The following INPP4B variants were observed in gnomAD, a reference collection of about 807,000 sequenced individuals.
INPP4B encodes the protein inositol polyphosphate 4-phosphatase type II.
A neutral mutation model predicts 122.5 loss-of-function variants in INPP4B; 55 were observed. The ratio of observed to expected loss-of-function variants is 0.45; its 90% confidence interval spans 0.36 to 0.56. The LOEUF is 0.56. INPP4B is among the 20% of genes least tolerant of loss of function. INPP4B has a pLI of 0.00. For missense variants in INPP4B, 1,000 were observed against 1,097.7 expected (o/e 0.91, Z 1.26); for synonymous variants, 403 against 388.7 (o/e 1.04, Z -0.43).
At chr4:142,466,085 CT>C (rs1817707081) in intron 2 of INPP4B, among the ~76,000 whole-genome samples, 2 of 152,060 alleles carry the variant, frequency 1.3e-5, no homozygotes, top group South Asian at 4.2e-4. Context: ...TGGGGTGTTA[CT>C]ATAGAGATTC....
intron 23 of INPP4B, among the ~76,000 whole-genome samples, 159 bp from the exon 24 acceptor site, chr4:142,086,415 C>T (rs1776797782): frequency 6.6e-6 from 1 of 152,208 alleles, no homozygotes; most frequent in Admixed American, 6.5e-5. Flanking sequence ...GGGGCCCAAT[C>T]TCTGCTCACT....
chr4:142,731,607 A>C (rs1046204828), intron 1 of INPP4B, among the ~76,000 whole-genome samples: 1 of 152,190 alleles, frequency 6.6e-6, no homozygotes, highest in African/African-American at 2.4e-5. Context: ...GCTCAAGAGC[A>C]TAGGCAAGAG....
chr4:142,774,429 ATTCT>A (rs1283401495), intron 1 of INPP4B, among the ~76,000 whole-genome samples: 1 of 152,140 alleles, frequency 6.6e-6, no homozygotes, highest in Non-Finnish European at 1.5e-5. Context: ...TCATAAAATT[ATTCT>A]TTCAATCTAA....
chr4:142,432,515 C>T (rs1220793662), intron 3 of INPP4B, among the ~76,000 whole-genome samples: 1 of 152,094 alleles, frequency 6.6e-6, no homozygotes, highest in Non-Finnish European at 1.5e-5. Context: ...ATTGCACCAT[C>T]AATTAGACCA....
At chr4:142,481,532 A>G (rs1820541767) in intron 2 of INPP4B, among the ~76,000 whole-genome samples, 1 of 152,154 alleles carries the variant, frequency 6.6e-6, no homozygotes, top group Admixed American at 6.5e-5. Context: ...ATCTTTGGAT[A>G]TAATTTCTCC....
In INPP4B at chr4:142,099,348, T is replaced by A. The variant is rs182278628; in HGVS notation, c.2374+8745A>T. Reference sequence around the variant, plus strand: ...CAAATATGAACAATATATGAAGAATTCCTCAGCCATCTCGATGTTTCCAAA... The same window carrying A: ...CAAATATGAACAATATATGAAGAATACCTCAGCCATCTCGATGTTTCCAAA... On this transcript the variant is annotated intron_variant, in intron 23 of 25. Coordinates refer to ENST00000262992, the MANE Select transcript of INPP4B (RefSeq NM_001101669.3). Among the ~76,000 whole-genome samples the A allele has an allele frequency of 3.3e-5, 5 of 152,296 alleles. No individual in the cohort carries two copies. The East Asian group carries it at 9.6e-4, about 29-fold the overall frequency.
At chr4:142,571,049 A>G (rs1489462422) in intron 2 of INPP4B, among the ~76,000 whole-genome samples, 1 of 150,612 alleles carries the variant, frequency 6.6e-6, no homozygotes, top group Non-Finnish European at 1.5e-5. Context: ...GACTATCCCA[A>G]AGAATTCCAG....
At chr4:142,485,101 G>A (rs1821046047) in intron 2 of INPP4B, among the ~76,000 whole-genome samples, 1 of 152,036 alleles carries the variant, frequency 6.6e-6, no homozygotes, top group African/African-American at 2.4e-5. Flanking sequence ...GTAGCCTCCA[G>A]AGAAAGCATG....
intron 1 of INPP4B, among the ~76,000 whole-genome samples, chr4:142,810,012 A>T (rs1359693571): frequency 6.6e-6 from 1 of 151,898 alleles, no homozygotes; most frequent in Non-Finnish European, 1.5e-5. Context: ...TGTACTAAAA[A>T]TACAAAAATT....
chr4:142,072,628 G>A (rs907821420), intron 25 of INPP4B, among the ~76,000 whole-genome samples: 4 of 150,924 alleles, frequency 2.7e-5, no homozygotes, highest in African/African-American at 9.8e-5. Flanking sequence ...ATAGGAAGCT[G>A]CCATGACAAA....
At chr4:142,699,766 A>G (rs1482460562) in intron 2 of INPP4B, among the ~76,000 whole-genome samples, 1 of 152,190 alleles carries the variant, frequency 6.6e-6, no homozygotes, top group Non-Finnish European at 1.5e-5. Flanking sequence ...ATCAAAAGGT[A>G]TGCAATATCT....
intron 2 of INPP4B, among the ~76,000 whole-genome samples, chr4:142,699,051 C>T (rs1761383406): frequency 6.6e-6 from 1 of 152,112 alleles, no homozygotes; most frequent in Non-Finnish European, 1.5e-5. Context: ...AGTACTGTTT[C>T]ACGGGTAAAA....
intron 2 of INPP4B, among the ~76,000 whole-genome samples, chr4:142,670,656 G>A (rs951752030): frequency 2.0e-5 from 3 of 152,040 alleles, no homozygotes; most frequent in Admixed American, 6.6e-5. Context: ...GGTGGTTTGG[G>A]GCTGGGATTG....
intron 21 of INPP4B, 83 bp from the exon 22 acceptor site, chr4:142,112,765 A>G: frequency 7.2e-7 from 1 of 1,380,444 alleles, no homozygotes; most frequent in Non-Finnish European, 9.9e-7. Context: ...AAACATTAAA[A>G]GGGTTGGAAT....
chr4:142,719,018 C>T (rs1469886461), intron 2 of INPP4B, among the ~76,000 whole-genome samples: 2 of 152,184 alleles, frequency 1.3e-5, no homozygotes, highest in Non-Finnish European at 2.9e-5. Flanking sequence ...TTCCTTGGTA[C>T]AATGTGCTTC....
intron 2 of INPP4B, among the ~76,000 whole-genome samples, chr4:142,483,618 G>A (rs1214149997): frequency 6.6e-6 from 1 of 152,056 alleles, no homozygotes; most frequent in Non-Finnish European, 1.5e-5. Flanking sequence ...AAGACAGGAT[G>A]AAAGAAATGA....
intron 2 of INPP4B, among the ~76,000 whole-genome samples, chr4:142,678,199 T>C (rs1758093447): frequency 6.6e-6 from 1 of 151,854 alleles, no homozygotes; most frequent in Admixed American, 6.6e-5. Context: ...GGCCTAATAA[T>C]TGGCCATTAG....
intron 2 of INPP4B, among the ~76,000 whole-genome samples, chr4:142,594,954 C>CA (rs70949177): frequency 0.028 from 1,581 of 57,240 alleles, 46 homozygotes; most frequent in African/African-American, 0.061. Flanking sequence ...GACTCTGTCT[C>CA]AAAAAAAAAA....
At chr4:142,182,273 G>T (rs980524995) in intron 15 of INPP4B, among the ~76,000 whole-genome samples, 1 of 152,112 alleles carries the variant, frequency 6.6e-6, no homozygotes, top group East Asian at 1.9e-4. Flanking sequence ...TCTTGGCCGG[G>T]CACGGTGGCT....
Sources: gnomAD v4.1 joint callset for allele counts (sites outside exome capture counted in the v4.1 genomes callset) on GRCh38, gnomAD v4.1.1 for gene constraint, MANE v1.5 for transcripts, NCBI Gene and HGNC (gene_info 2026-07-23, HGNC 2026-07-21) for gene names.